Variants in LUC7L observed in about 807,000 individuals in gnomAD.
The protein encoded by LUC7L is putative RNA-binding protein Luc7-like 1.
LUC7L carries 29 observed loss-of-function variants against 51.1 expected under a neutral mutation model. The ratio of observed to expected loss-of-function variants is 0.57; its 90% CI spans 0.42 to 0.77. The LOEUF is 0.77. Among genes scored for constraint, LUC7L ranks in the 30% least tolerant of loss-of-function variants. LUC7L has a pLI of 0.00. For synonymous variants in LUC7L, 181 were observed against 180.7 expected (o/e 1.00, Z -0.01); for missense variants, 403 against 511.9 (o/e 0.79, Z 2.05).
chr16:225,464 C>A (rs2050103762), intron 2 of LUC7L, among the ~76,000 whole-genome samples: 1 of 141,644 alleles, frequency 7.1e-6, no homozygotes, highest in African/African-American at 2.6e-5. Flanking sequence ...CCAGCCTGGG[C>A]AACAAGAGCG....
chr16:196,217 G>A (rs930838056), intron 6 of LUC7L, among the ~76,000 whole-genome samples: 2 of 152,096 alleles, frequency 1.3e-5, no homozygotes, highest in African/African-American at 4.8e-5. Context: ...AGATCAGCCT[G>A]AGCAACACGG....
At chr16:206,219 CCTG>C in intron 4 of LUC7L, 72 bp from the exon 5 acceptor site, 2 of 1,438,694 alleles carry the variant, frequency 1.4e-6, no homozygotes, top group Non-Finnish European at 1.9e-6. Flanking sequence ...AAGGGTTTCT[CCTG>C]CTCCATTTCC....
chr16:212,888 C>T (rs1039584902), intron 3 of LUC7L, among the ~76,000 whole-genome samples: 1 of 151,970 alleles, frequency 6.6e-6, no homozygotes, highest in Non-Finnish European at 1.5e-5. Flanking sequence ...AACCATCCTT[C>T]CACCTCAGCC....
In LUC7L at chr16:193,652, G is replaced by A. The variant is rs569969625; in HGVS notation, c.688-637C>T. Among the ~76,000 whole-genome samples the A allele has an allele frequency of 1.7e-3, 249 of 150,838 alleles. 2 individuals carry two copies. The highest frequency in any genetic ancestry group is 5.8e-3 in the African/African-American group (236 of 40,990). Reference sequence around the variant, plus strand: ...GCTGGGATTACAAGCGTGCCAGCACGGCCGGCTAATTTTTGTATGTTTAGT... The same window carrying A: ...GCTGGGATTACAAGCGTGCCAGCACAGCCGGCTAATTTTTGTATGTTTAGT... On this transcript the variant is annotated intron_variant, in intron 6 of 9. Transcript: ENST00000293872.
At chr16:219,703 T>C (rs1034494111) in intron 3 of LUC7L, among the ~76,000 whole-genome samples, 7 of 152,012 alleles carry the variant, frequency 4.6e-5, no homozygotes, top group Non-Finnish European at 7.4e-5. Context: ...AGAAACACCA[T>C]CTCTACTAAA....
chr16:192,465 G>A (rs911491038), intron 7 of LUC7L, among the ~76,000 whole-genome samples: 1 of 141,356 alleles, frequency 7.1e-6, no homozygotes, highest in South Asian at 2.3e-4. Context: ...GCTGGGACGT[G>A]TTTTGTTTTG....
At chr16:217,048 T>C (rs1227259750) in intron 3 of LUC7L, among the ~76,000 whole-genome samples, 1 of 152,020 alleles carries the variant, frequency 6.6e-6, no homozygotes, top group Non-Finnish European at 1.5e-5. Context: ...AGTTTCGCTC[T>C]GTCACCCAAG....
chr16:195,421 A>G (rs1452651329), intron 6 of LUC7L, among the ~76,000 whole-genome samples: 1 of 151,590 alleles, frequency 6.6e-6, no homozygotes, highest in East Asian at 1.9e-4. Context: ...TGCCAGAGGG[A>G]GACCCTGTCT....
intron 2 of LUC7L, among the ~76,000 whole-genome samples, chr16:222,753 C>T (rs550007304): frequency 5.9e-4 from 90 of 151,458 alleles, no homozygotes; most frequent in Non-Finnish European, 8.5e-4. Context: ...GCCTCAGCCT[C>T]CCAAGGAGCT....
At chr16:203,121 C>T (rs530603615) in intron 5 of LUC7L, among the ~76,000 whole-genome samples, 216 of 152,262 alleles carry the variant, frequency 1.4e-3, no homozygotes, top group African/African-American at 4.7e-3. Context: ...GCACTCCAGC[C>T]TGGGCAACAG....
chr16:197,772 G>A (rs1006421410), intron 6 of LUC7L, among the ~76,000 whole-genome samples: 13 of 152,050 alleles, frequency 8.5e-5, no homozygotes, highest in African/African-American at 2.2e-4. Flanking sequence ...GCCCTCAGCC[G>A]TGGTCACTGC....
At chr16:192,405 C>T (rs2049032624) in intron 7 of LUC7L, among the ~76,000 whole-genome samples, 1 of 152,260 alleles carries the variant, frequency 6.6e-6, no homozygotes, top group East Asian at 1.9e-4. Context: ...CACACACAGC[C>T]TCCAACAGCT....
At chr16:224,033 A>G (rs2050053414) in intron 2 of LUC7L, among the ~76,000 whole-genome samples, 1 of 152,084 alleles carries the variant, frequency 6.6e-6, no homozygotes, top group Non-Finnish European at 1.5e-5. Context: ...GTTTCCACAA[A>G]CTAAGCATTG....
At chr16:208,283 GTT>G in intron 3 of LUC7L, 95 bp from the exon 4 acceptor site, 1 of 880,026 alleles carries the variant, frequency 1.1e-6, no homozygotes, top group Non-Finnish European at 1.8e-6. Context: ...TCCTAGGTTC[GTT>G]TCTTTAAAGC....
chr16:200,558 A>G (rs1267502141), intron 5 of LUC7L, among the ~76,000 whole-genome samples: 1 of 151,928 alleles, frequency 6.6e-6, no homozygotes, highest in African/African-American at 2.4e-5. Context: ...CCTGGAGGAC[A>G]GAGGAAAACT....
Position 220,710 on chromosome 16 carries a change from A to T in LUC7L, c.194T>A (p.Leu65Ter). 6.2e-7 allele frequency: 1 copy of T among 1,614,140 alleles called. No homozygotes were observed. The change falls in exon 3 of 10, where the codon TTG (leucine) becomes TAG (stop). Residue 65 changes from leucine to a stop codon, truncating the protein, a stop_gained. Transcript: ENST00000293872. LOFTEE classifies it high-confidence loss of function. ...DLGECTKIHDLALRADYEIAS... is the reference protein window; with the variant it reads ...DLGECTKIHD ...AATCTCATAATCTGCTCGGAGGGCC[A>T]AGTCGTGGATTTTGGTACATTCTCC...
intron 3 of LUC7L, among the ~76,000 whole-genome samples, chr16:216,788 G>A (rs990428139): frequency 4.6e-5 from 7 of 152,058 alleles, no homozygotes; most frequent in Admixed American, 1.3e-4. Context: ...TTTTCACATA[G>A]GACAAAAAGG....
At chr16:202,961 G>A (rs544128440) in intron 5 of LUC7L, among the ~76,000 whole-genome samples, 75 of 152,086 alleles carry the variant, frequency 4.9e-4, no homozygotes, top group African/African-American at 1.7e-3. Flanking sequence ...CAGCCTGACC[G>A]ACATGGTGAA....
intron 1 of LUC7L, chr16:227,705 C>T: frequency 9.7e-7 from 1 of 1,030,098 alleles, no homozygotes; most frequent in Non-Finnish European, 1.2e-6. Flanking sequence ...ACTTATAGAG[C>T]TGGTAATTTC....
Sources: gnomAD v4.1 joint callset for allele counts (sites outside exome capture counted in the v4.1 genomes callset) on GRCh38, gnomAD v4.1.1 for gene constraint, MANE v1.5 for transcripts, NCBI Gene and HGNC (gene_info 2026-07-23, HGNC 2026-07-21) for gene names.